ROBO1: variants seen among roughly 807,000 people sequenced by gnomAD.
ROBO1 encodes roundabout homolog 1.
A neutral mutation model predicts 195.9 loss-of-function variants in ROBO1; 149 were observed. The observed-to-expected ratio is 0.76, with a 90% CI of 0.67 to 0.87. The LOEUF is 0.87. Among genes scored for constraint, ROBO1 ranks in the 40% least tolerant of loss-of-function variants. ROBO1 has a pLI of 0.00. For synonymous variants in ROBO1, 816 were observed against 733.2 expected (o/e 1.11, Z -1.82); for missense variants, 1,933 against 2,068.3 (o/e 0.93, Z 1.27).
chr3:78,965,948 A>G (rs2076632730), intron 3 of ROBO1, among the ~76,000 whole-genome samples: 1 of 152,184 alleles, frequency 6.6e-6, no homozygotes, highest in Non-Finnish European at 1.5e-5. Flanking sequence ...ATTTTAATCA[A>G]TTATCTTTAA....
intron 4 of ROBO1, among the ~76,000 whole-genome samples, chr3:78,816,388 G>A (rs192901263): frequency 5.8e-5 from 6 of 103,058 alleles, no homozygotes; most frequent in South Asian, 4.5e-4. Flanking sequence ...GGAGAAGTAC[G>A]AAAAGAGTAA....
chr3:79,741,785 G>A (rs1184342652), intron 1 of ROBO1, among the ~76,000 whole-genome samples: 2 of 152,196 alleles, frequency 1.3e-5, no homozygotes, highest in East Asian at 1.9e-4. Flanking sequence ...AGTGCTGATA[G>A]TGATGTGGAC....
At chr3:78,816,025 G>A (rs540877294) in intron 4 of ROBO1, among the ~76,000 whole-genome samples, 4 of 152,258 alleles carry the variant, frequency 2.6e-5, no homozygotes, top group African/African-American at 7.2e-5. Context: ...TGACAAAACA[G>A]CATTCTATTT....
intron 1 of ROBO1, among the ~76,000 whole-genome samples, chr3:79,598,751 C>T (rs1944254508): frequency 1.3e-5 from 2 of 151,960 alleles, no homozygotes; most frequent in African/African-American, 4.8e-5. Flanking sequence ...CCCCCTACTA[C>T]AACCTCAGCT....
intron 4 of ROBO1, among the ~76,000 whole-genome samples, chr3:78,788,602 C>T (rs1482395364): frequency 6.6e-6 from 1 of 151,922 alleles, no homozygotes; most frequent in Admixed American, 6.6e-5. Flanking sequence ...CCTCTGAAAA[C>T]AACTCTATCA....
intron 2 of ROBO1, among the ~76,000 whole-genome samples, chr3:79,300,239 T>A (rs1016866157): frequency 1.3e-5 from 2 of 152,156 alleles, no homozygotes; most frequent in Non-Finnish European, 2.9e-5. Context: ...GAGCGGGAAC[T>A]GCGGCTGCGC....
intron 2 of ROBO1, among the ~76,000 whole-genome samples, chr3:79,294,250 T>C (rs2032447934): frequency 6.6e-6 from 1 of 151,718 alleles, no homozygotes; most frequent in African/African-American, 2.4e-5. Flanking sequence ...CCAAAACAGA[T>C]ATATAGTCCA....
intron 2 of ROBO1, among the ~76,000 whole-genome samples, chr3:79,276,948 A>C (rs1559784207): frequency 6.6e-6 from 1 of 152,114 alleles, no homozygotes; most frequent in African/African-American, 2.4e-5. Context: ...AATGGCTTTT[A>C]TCCAAAAGGT....
At chr3:79,458,702 C>T (rs1230140878) in intron 2 of ROBO1, among the ~76,000 whole-genome samples, 1 of 151,654 alleles carries the variant, frequency 6.6e-6, no homozygotes, top group Non-Finnish European at 1.5e-5. Context: ...CTATGATTTT[C>T]CATAGGAAAA....
intron 2 of ROBO1, among the ~76,000 whole-genome samples, chr3:79,445,842 C>T (rs1022021274): frequency 6.6e-6 from 1 of 152,040 alleles, no homozygotes; most frequent in East Asian, 1.9e-4. Flanking sequence ...TTAGTACAGA[C>T]GGTGTTTCAC....
intron 2 of ROBO1, among the ~76,000 whole-genome samples, chr3:79,171,526 A>T (rs116753473): frequency 0.012 from 1,860 of 152,168 alleles, 36 homozygotes; most frequent in Non-Finnish European, 0.015. Context: ...ATTAAACTTA[A>T]AATTGTGTTG....
intron 10 of ROBO1, among the ~76,000 whole-genome samples, chr3:78,676,137 A>C (rs1708408415): frequency 6.6e-6 from 1 of 152,198 alleles, no homozygotes; most frequent in Non-Finnish European, 1.5e-5. Context: ...AAGGAAAACT[A>C]ACAAACAGAA....
intron 4 of ROBO1, among the ~76,000 whole-genome samples, chr3:78,790,538 G>A (rs1220426194): frequency 6.6e-6 from 1 of 152,038 alleles, no homozygotes. Context: ...TCACCCTGTG[G>A]TGCTATCAAA....
intron 2 of ROBO1, among the ~76,000 whole-genome samples, chr3:79,559,929 T>A (rs116975966): frequency 6.6e-6 from 1 of 151,918 alleles, no homozygotes; most frequent in African/African-American, 2.4e-5. Flanking sequence ...AAGAAAAAAA[T>A]GCTGATATTT....
intron 1 of ROBO1, among the ~76,000 whole-genome samples, chr3:79,639,769 G>A (rs538381971): frequency 2.0e-5 from 3 of 152,200 alleles, no homozygotes; most frequent in African/African-American, 7.2e-5. Context: ...GAAAAGTTCT[G>A]GGGATTAAAA....
chr3:78,778,721 C>T (rs1348092077), intron 4 of ROBO1, among the ~76,000 whole-genome samples: 1 of 152,202 alleles, frequency 6.6e-6, no homozygotes, highest in East Asian at 1.9e-4. Flanking sequence ...AACGGTATTC[C>T]CATCAAGCTA....
At chr3:79,733,820 A>C (rs1703258077) in intron 1 of ROBO1, among the ~76,000 whole-genome samples, 1 of 152,068 alleles carries the variant, frequency 6.6e-6, no homozygotes, top group Admixed American at 6.6e-5. Context: ...ACTTTTTTTG[A>C]AAGTAGAATA....
intron 18 of ROBO1, among the ~76,000 whole-genome samples, chr3:78,653,766 A>G (rs995375290): frequency 2.6e-5 from 4 of 152,204 alleles, no homozygotes; most frequent in Admixed American, 2.6e-4. Context: ...CAGGTCAGAT[A>G]AGAGCCACAG....
At chr3:79,272,313 A>G (rs958417753) in intron 2 of ROBO1, among the ~76,000 whole-genome samples, 3 of 152,106 alleles carry the variant, frequency 2.0e-5, no homozygotes, top group Non-Finnish European at 4.4e-5. Context: ...CATAATATGC[A>G]TATACATATT....
Sources: allele counts gnomAD v4.1 joint callset (sites outside exome capture counted in the v4.1 genomes callset), GRCh38; gene constraint gnomAD v4.1.1; transcripts MANE v1.5; gene names NCBI Gene and HGNC (gene_info 2026-07-23, HGNC 2026-07-21).